CFAP206: variants seen among roughly 807,000 people sequenced by gnomAD.
CFAP206 encodes the protein cilia- and flagella-associated protein 206.
Under a neutral mutation model 65.4 loss-of-function variants are expected in CFAP206, and 53 were observed. The ratio of observed to expected loss-of-function variants is 0.81; its 90% CI spans 0.65 to 1.02. The LOEUF is 1.02. CFAP206 is among the 50% of genes least tolerant of loss of function. The pLI is 0.00. For missense variants in CFAP206, 663 were observed against 753.2 expected, an observed-to-expected ratio of 0.88 and a Z score of 1.40; for synonymous variants, 250 against 254.4, an observed-to-expected ratio of 0.98 and a Z score of 0.17.
chr6:87,419,116 CG>C (rs1767893820), intron 7 of CFAP206, among the ~76,000 whole-genome samples: 2 of 149,204 alleles, frequency 1.3e-5, no homozygotes, highest in Non-Finnish European at 3.0e-5. Flanking sequence ...CTCAAAAAAA[CG>C]TTTGTTTTTT....
chr6:87,461,662 C>T (rs1486078487), intron 12 of CFAP206, among the ~76,000 whole-genome samples: 2 of 150,886 alleles, frequency 1.3e-5, no homozygotes, highest in Non-Finnish European at 2.9e-5. Context: ...CCCACCATCC[C>T]CTCTTTATGG....
chr6:87,428,895 T>G, intron 9 of CFAP206, 71 bp downstream of exon 9: 11 of 1,387,672 alleles, frequency 7.9e-6, no homozygotes, highest in Non-Finnish European at 1.0e-5. Context: ...TCTTTTGTTC[T>G]AAAAATTTCA....
At chr6:87,457,149 C>G in intron 11 of CFAP206, among the ~76,000 whole-genome samples, 1 of 115,918 alleles carries the variant, frequency 8.6e-6, no homozygotes, top group East Asian at 2.6e-4. Flanking sequence ...GACAACCTCT[C>G]AAAAAAAAAA....
Position 87,426,533 on chromosome 6 carries a change from T to C in CFAP206, c.848T>C (p.Ile283Thr). 6.3e-7 allele frequency: 1 copy of C among 1,578,210 alleles called. No individual in the cohort carries two copies. The highest frequency in any genetic ancestry group is 8.6e-7 in the Non-Finnish European group (1 of 1,162,916). The change falls in exon 8 of 13, where the codon ATA becomes ACA. Residue 283 changes from isoleucine to threonine, a missense_variant. Transcript: ENST00000369562. Reference protein sequence around the residue: ...EVFLQIILSDIITGAQEVEMM... With the variant: ...EVFLQIILSDTITGAQEVEMM... Reference sequence around the variant, plus strand: ...ATTATGTTGTTTTCACAGTCAGATATAATTACTGGTGCTCAAGAAGTGGAA... The same window carrying C: ...ATTATGTTGTTTTCACAGTCAGATACAATTACTGGTGCTCAAGAAGTGGAA...
intron 11 of CFAP206, among the ~76,000 whole-genome samples, chr6:87,449,120 C>G (rs772124979): frequency 6.6e-6 from 1 of 151,964 alleles, no homozygotes; most frequent in Non-Finnish European, 1.5e-5. Flanking sequence ...ATCAAACTTG[C>G]ATTTCCATAA....
chr6:87,412,948 C>T (rs974546844), intron 3 of CFAP206, among the ~76,000 whole-genome samples: 1 of 152,162 alleles, frequency 6.6e-6, no homozygotes, highest in Non-Finnish European at 1.5e-5. Context: ...GTGTGAGCCA[C>T]TGCACCAGCT....
chr6:87,419,554 C>A (rs16879295), intron 7 of CFAP206, among the ~76,000 whole-genome samples: 1 of 152,096 alleles, frequency 6.6e-6, no homozygotes, highest in Non-Finnish European at 1.5e-5. Flanking sequence ...CACTTGTCAC[C>A]GTTTACTTTT....
chr6:87,413,965 T>C, intron 4 of CFAP206, 65 bp downstream of exon 4: 1 of 735,466 alleles, frequency 1.4e-6, no homozygotes, highest in Non-Finnish European at 2.1e-6. Context: ...AAGAAGGGCT[T>C]CATTTGGTTG....
intron 7 of CFAP206, among the ~76,000 whole-genome samples, chr6:87,424,342 C>A (rs949079800): frequency 5.3e-5 from 8 of 152,152 alleles, no homozygotes; most frequent in Non-Finnish European, 1.0e-4. Context: ...TGCAGTGGCT[C>A]GATCTTGGCT....
intron 7 of CFAP206, among the ~76,000 whole-genome samples, chr6:87,422,486 T>C (rs1323845773): frequency 2.2e-5 from 3 of 139,486 alleles, no homozygotes; most frequent in Non-Finnish European, 3.0e-5. Flanking sequence ...GTGCGGTGGC[T>C]CACGCCTGTA....
chr6:87,424,697 G>A (rs566771952), intron 7 of CFAP206, among the ~76,000 whole-genome samples: 37 of 152,130 alleles, frequency 2.4e-4, no homozygotes, highest in African/African-American at 8.7e-4. Flanking sequence ...TCTTCAATGC[G>A]ACTTTTTTCT....
chr6:87,444,445 C>A, intron 11 of CFAP206: 1 of 224,752 alleles, frequency 4.4e-6, no homozygotes, highest in Admixed American at 4.0e-5. Flanking sequence ...AGATTTGTAA[C>A]CTTTCCATTT....
chr6:87,409,227 C>CTT (rs71785518), intron 1 of CFAP206, among the ~76,000 whole-genome samples: 94 of 142,904 alleles, frequency 6.6e-4, no homozygotes, highest in East Asian at 3.0e-3. Context: ...ACTGCTTAGC[C>CTT]TTTTTTTTTT....
Position 87,461,083 on chromosome 6 carries a change from C to G in CFAP206, c.1556C>G (p.Thr519Arg), listed in dbSNP as rs200719189. 6.3e-7 allele frequency: 1 copy of G among 1,591,880 alleles called. No homozygotes were observed. The highest frequency in any genetic ancestry group is 1.2e-5 in the South Asian group (1 of 86,910). ...PITKCESSTQ[T>R]NTHILPPTIV... ...ACAAAATGTGAAAGTAGCACACAGA[C>G]GAATACACACATACTGCCACCAACG... The change falls in exon 12 of 13, where the codon ACG becomes AGG. Residue 519 changes from threonine to arginine, a missense_variant. Physicochemically the swap from Thr to Arg is moderately conservative, Grantham distance 71 (BLOSUM62 -1). Transcript: ENST00000369562.
At chr6:87,445,582 A>G (rs764978452) in intron 11 of CFAP206, among the ~76,000 whole-genome samples, 1 of 152,170 alleles carries the variant, frequency 6.6e-6, no homozygotes, top group Non-Finnish European at 1.5e-5. Flanking sequence ...TATATGTACC[A>G]CATTTTCTTT....
chr6:87,441,840 C>T, intron 11 of CFAP206: 1 of 276,724 alleles, frequency 3.6e-6, no homozygotes, highest in Non-Finnish European at 7.2e-6. Flanking sequence ...TTCATTGAGC[C>T]AAATCCGATG....
chr6:87,444,358 G>A (rs1768409976), intron 11 of CFAP206: 2 of 218,008 alleles, frequency 9.2e-6, no homozygotes, highest in East Asian at 1.1e-4. Context: ...TCCAGGTTGC[G>A]TTTCCTTCAC....
At position 87,428,637 on chromosome 6, in the gene CFAP206, T is replaced by G; in HGVS notation, c.972T>G (p.Ile324Met). Residue 324 changes from isoleucine to methionine, a missense_variant, in exon 9 of 13, where the codon ATT becomes ATG. Ile to Met is a conservative substitution (Grantham distance 10). Transcript: ENST00000369562. Reference sequence around the variant, plus strand: ...TTTCTCTTCCTCAGCCTATCTTCATTGCACTTTCTACTCTGTGGACCAGCT... The same window carrying G: ...TTTCTCTTCCTCAGCCTATCTTCATGGCACTTTCTACTCTGTGGACCAGCT... ...VPTSQVFPIFIALSTLWTSLQ... is the reference protein window; with the variant it reads ...VPTSQVFPIFMALSTLWTSLQ... 6.2e-7 allele frequency: 1 copy of G among 1,614,142 alleles called. No homozygotes were observed. The highest frequency in any genetic ancestry group is 2.2e-5 in the East Asian group (1 of 44,870).
chr6:87,450,692 C>G (rs964589830), intron 11 of CFAP206, among the ~76,000 whole-genome samples: 1 of 149,084 alleles, frequency 6.7e-6, no homozygotes, highest in East Asian at 2.0e-4. Flanking sequence ...ATCAAACAAG[C>G]ATCTACACAA....
Sources: gnomAD v4.1 joint callset for allele counts (sites outside exome capture counted in the v4.1 genomes callset) on GRCh38, gnomAD v4.1.1 for gene constraint, MANE v1.5 for transcripts, NCBI Gene and HGNC (gene_info 2026-07-23, HGNC 2026-07-21) for gene names.